Variants in CYFIP1 observed in about 807,000 individuals in gnomAD.
CYFIP1 encodes cytoplasmic FMR1-interacting protein 1.
Under a neutral mutation model 163.5 loss-of-function variants are expected in CYFIP1, and 58 were observed. The ratio of observed to expected loss-of-function variants is 0.35; its 90% CI spans 0.29 to 0.44. The LOEUF (loss-of-function observed/expected upper bound fraction) is 0.44. Among genes scored for constraint, CYFIP1 ranks in the 20% least tolerant of loss-of-function variants. The probability of loss-of-function intolerance (pLI) is 1.00; values close to 1 mark genes in which losing one functional copy is unlikely to be tolerated. For synonymous variants in CYFIP1, 663 were observed against 660.7 expected, an observed-to-expected ratio of 1.00 and a Z score of -0.05; for missense variants, 1,338 against 1,653.8, an observed-to-expected ratio of 0.81 and a Z score of 3.31.
At chr15:22,953,590 T>C (rs1053755858) in intron 1 of CYFIP1, among the ~76,000 whole-genome samples, 36 of 152,292 alleles carry the variant, frequency 2.4e-4, no homozygotes, top group African/African-American at 5.5e-4. Context: ...TCTGGCCTGG[T>C]CACTGCAAAG....
chr15:22,969,611 A>G (rs2063020921), intron 1 of CYFIP1, among the ~76,000 whole-genome samples: 1 of 152,314 alleles, frequency 6.6e-6, no homozygotes, highest in African/African-American at 2.4e-5. Flanking sequence ...TGGATATAAG[A>G]CATAAAGAGA....
At chr15:22,948,344 A>T (rs1486063798) in intron 1 of CYFIP1, among the ~76,000 whole-genome samples, 1 of 152,190 alleles carries the variant, frequency 6.6e-6, no homozygotes, top group African/African-American at 2.4e-5. Context: ...GACAGCCACC[A>T]GCGGCACACA....
intron 23 of CYFIP1, among the ~76,000 whole-genome samples, chr15:22,890,617 T>C (rs1566933819): frequency 6.6e-6 from 1 of 152,018 alleles, no homozygotes; most frequent in East Asian, 1.9e-4. Context: ...TCCACAGCCA[T>C]TAGGAGTTGC....
In CYFIP1 at chr15:22,868,907, T is replaced by TAAAC. The variant is rs1419794261; in HGVS notation, c.*1117_*1120dup. ...GTTTATCTGTAGTATTCATCTACAA[T>TAAAC]AAACAGGCATAGCATCTTTTTCCAT... is the stretch of plus-strand genomic sequence containing the variant. On this transcript the variant is annotated 3_prime_UTR_variant, in exon 31 of 31. Transcript: ENST00000617928. 7.4e-6 allele frequency: 1 copy of TAAAC among 135,780 alleles called. No homozygotes were observed. Among genetic ancestry groups the TAAAC allele is most frequent in the Non-Finnish European group, 1.6e-5 (1 of 64,374 alleles). 8.4% of individuals were successfully genotyped at this position (135,780 alleles called of 1,614,324 possible). A position where few individuals can be genotyped will look rare whatever the true frequency, so the allele number is the denominator to read the frequency against.
At chr15:22,905,445 T>C (rs2060537817) in intron 21 of CYFIP1, 1 of 152,056 alleles carries the variant, frequency 6.6e-6, no homozygotes. Context: ...CAAATCCTTT[T>C]TCTGCTTTAA....
In CYFIP1 at chr15:22,868,095, C is replaced by T. The variant is rs2059263180; in HGVS notation, c.*1933G>A. 6.6e-6 allele frequency: 1 copy of T among 152,246 alleles called. No individual in the cohort carries two copies. Among genetic ancestry groups the T allele is most frequent in the South Asian group, 2.1e-4 (1 of 4,836 alleles). 9.4% of individuals were successfully genotyped at this position (152,246 alleles called of 1,614,324 possible). ...TGCGCCAGCGCCAAGCCATCACTCC[C>T]CGAGGGCCTCCCCTGCCAATGGTGC... On this transcript the variant is annotated 3_prime_UTR_variant, in exon 31 of 31. Transcript: ENST00000617928.
chr15:22,914,895 A>G lies in CYFIP1; in HGVS notation c.1829-13T>C. The G allele has an allele frequency of 6.2e-7, 1 of 1,600,224 alleles. No individual in the cohort carries two copies. The highest frequency in any genetic ancestry group is 8.5e-7 in the Non-Finnish European group (1 of 1,174,596). On this transcript the variant is annotated splice_polypyrimidine_tract_variant and intron_variant, in intron 16 of 30. Transcript: ENST00000617928. Reference sequence around the variant, plus strand: ...TGCTGCAGCGTTTCTGGGAGGGTTCAAACAACTCCATGTTATCTCCCGCAA... The same window carrying G: ...TGCTGCAGCGTTTCTGGGAGGGTTCGAACAACTCCATGTTATCTCCCGCAA...
At chr15:22,893,336 G>T (rs1188129515) in intron 22 of CYFIP1, among the ~76,000 whole-genome samples, 1 of 152,140 alleles carries the variant, frequency 6.6e-6, no homozygotes, top group East Asian at 1.9e-4. Flanking sequence ...ACGCCCCGGT[G>T]GTTCAGATCA....
chr15:22,951,000 A>C lies in CYFIP1; in HGVS notation c.-6-3709T>G, dbSNP rs150325776. 3.0e-3 allele frequency among the ~76,000 whole-genome samples: 456 copies of C among 152,352 alleles called. 3 individuals are homozygous for C. The highest frequency in any genetic ancestry group is 0.01 in the African/African-American group (434 of 41,586). ...TTACCGTGCCTAATTTACCAATTAA[A>C]GTTCGTCACTGGTATGCAAGTACGG... On this transcript the variant is annotated intron_variant, in intron 1 of 30. Transcript: ENST00000617928.
chr15:22,975,403 G>T (rs977544915), intron 1 of CYFIP1, among the ~76,000 whole-genome samples: 2 of 136,228 alleles, frequency 1.5e-5, no homozygotes, highest in African/African-American at 5.7e-5. Context: ...CCGGGAGGCA[G>T]AGCTTGCAGT....
rs2061743141 is a variant in CYFIP1, at chr15:22,937,341, G to T, written c.796-133C>A. On this transcript the variant is annotated intron_variant, in intron 8 of 30. Coordinates refer to ENST00000617928, the MANE Select transcript of CYFIP1 (RefSeq NM_014608.6). Reference sequence around the variant, plus strand: ...ATAGATCACAAAGATCTATCTTTAGGCTGCTTGTCTGGTGCTTGAAATGCA... The same window carrying T: ...ATAGATCACAAAGATCTATCTTTAGTCTGCTTGTCTGGTGCTTGAAATGCA... The T allele has an allele frequency of 4.9e-6, 3 of 615,968 alleles. No individual in the cohort carries two copies. The Admixed American group carries it at 8.9e-5, about 18-fold the overall frequency. 38.2% of individuals were successfully genotyped at this position (615,968 alleles called of 1,614,324 possible).
At chr15:22,925,146 G>A (rs1241317502) in intron 13 of CYFIP1, among the ~76,000 whole-genome samples, 2 of 146,238 alleles carry the variant, frequency 1.4e-5, no homozygotes, top group African/African-American at 5.0e-5. Context: ...TGAGACTTCT[G>A]TCAATTCTCC....
intron 23 of CYFIP1, among the ~76,000 whole-genome samples, chr15:22,885,088 T>C (rs970281816): frequency 1.3e-5 from 2 of 152,156 alleles, no homozygotes; most frequent in Non-Finnish European, 2.9e-5. Context: ...GCCTCGTACA[T>C]GTCCTGGAGA....
At chr15:22,905,953 G>T (rs1465774340) in intron 21 of CYFIP1, among the ~76,000 whole-genome samples, 5 of 151,278 alleles carry the variant, frequency 3.3e-5, no homozygotes, top group Non-Finnish European at 7.4e-5. Flanking sequence ...TAGAGACGGG[G>T]TTTCACCATG....
At chr15:22,955,896 G>T (rs1198777109) in intron 1 of CYFIP1, among the ~76,000 whole-genome samples, 3 of 152,160 alleles carry the variant, frequency 2.0e-5, no homozygotes, top group African/African-American at 7.2e-5. Flanking sequence ...TCAAAACAAA[G>T]AACAGTGAAT....
intron 22 of CYFIP1, 24 bp from the exon 23 acceptor site, chr15:22,893,001 G>GA (rs1566936325): frequency 6.4e-7 from 1 of 1,569,236 alleles, no homozygotes. Context: ...ATTTAAAAAA[G>GA]AAAAAGAAAC....
chr15:22,910,319 G>A (rs1054492728), intron 20 of CYFIP1, among the ~76,000 whole-genome samples: 4 of 152,042 alleles, frequency 2.6e-5, no homozygotes, highest in Admixed American at 1.3e-4. Flanking sequence ...CCACCAGCAC[G>A]CCCAGCTAAT....
chr15:22,980,353 C>T lies in CYFIP1; in HGVS notation c.-73G>A, dbSNP rs925894103. 2.0e-5 allele frequency: 3 copies of T among 151,672 alleles called. No homozygotes were observed. The highest frequency in any genetic ancestry group is 2.0e-4 in the Admixed American group (3 of 15,242). 9.4% of individuals were successfully genotyped at this position (151,672 alleles called of 1,614,324 possible). A position where few individuals can be genotyped will look rare whatever the true frequency, so the allele number is the denominator to read the frequency against. On this transcript the variant is annotated 5_prime_UTR_variant, in exon 1 of 31. Coordinates refer to ENST00000617928, the MANE Select transcript of CYFIP1 (RefSeq NM_014608.6). ...AGTTTCCTTGGCCGAGTGAGTCACT[C>T]GGGCTGGCCGGGAATGCGCCAGGAA...
intron 6 of CYFIP1, 23 bp from the exon 7 acceptor site, chr15:22,939,530 TC>T: frequency 1.3e-6 from 1 of 753,242 alleles, no homozygotes; most frequent in Non-Finnish European, 2.0e-6. Context: ...AAAGAATTCA[TC>T]CCAAAATGCA....
Sources: gnomAD v4.1 joint callset for allele counts (sites outside exome capture counted in the v4.1 genomes callset) on GRCh38, gnomAD v4.1.1 for gene constraint, MANE v1.5 for transcripts, NCBI Gene and HGNC (gene_info 2026-07-23, HGNC 2026-07-21) for gene names.